ARR3: variants seen among roughly 807,000 people sequenced by gnomAD.
ARR3 encodes arrestin 3.
ARR3 carries 14 observed loss-of-function variants against 35.4 expected under a neutral mutation model. The observed-to-expected ratio is 0.40, with a 90% confidence interval of 0.26 to 0.62. ARR3 has a LOEUF of 0.62. Among genes scored for constraint, ARR3 ranks in the 20% least tolerant of loss-of-function variants. The pLI is 0.46. For synonymous variants in ARR3, 97 were observed against 119.1 expected, an observed-to-expected ratio of 0.81 and a Z score of 1.21; for missense variants, 259 against 303.8, an observed-to-expected ratio of 0.85 and a Z score of 1.10.
chrX:70,280,618 A>G, intron 14 of ARR3, 36 bp downstream of exon 14: 1 of 1,196,706 alleles, frequency 8.4e-7, no homozygotes, highest in South Asian at 1.8e-5. Flanking sequence ...TTGGGCAAGA[A>G]GAGGAGGACA....
chrX:70,279,218 T>C (rs1038126306), intron 12 of ARR3, among the ~76,000 whole-genome samples: 1 of 112,543 alleles, frequency 8.9e-6, no homozygotes, highest in Non-Finnish European at 1.9e-5. Context: ...CAGGAATTAA[T>C]AGAATTCTAG....
At chrX:70,276,888 T>C in intron 8 of ARR3, 152 bp downstream of exon 8, 1 of 531,227 alleles carries the variant, frequency 1.9e-6, no homozygotes. Context: ...CTTACCTTCT[T>C]TGATCTAGGG....
At chrX:70,272,852 T>C (rs1226282671) in intron 5 of ARR3, among the ~76,000 whole-genome samples, 1 of 112,560 alleles carries the variant, frequency 8.9e-6, no homozygotes, top group Non-Finnish European at 1.9e-5. Flanking sequence ...TGTTTGATGT[T>C]TTGAGTTCTT....
At chrX:70,275,848 A>AT (rs36071104) in intron 5 of ARR3, among the ~76,000 whole-genome samples, 28 of 102,550 alleles carry the variant, frequency 2.7e-4, no homozygotes, top group African/African-American at 7.1e-4. Context: ...AATACTTTGT[A>AT]TTTTTTTTTT....
chrX:70,273,725 A>G (rs1181444605), intron 5 of ARR3, among the ~76,000 whole-genome samples: 1 of 111,787 alleles, frequency 8.9e-6, no homozygotes, highest in African/African-American at 3.3e-5. Flanking sequence ...TGGCATATGT[A>G]GGGTTACTAG....
rs1378621547 is a variant in ARR3 at position 70,278,085 on chromosome X, T to G, written c.714T>G (p.Val238=). ...GTTCAGTTGACCAGATCACAGATGT[T>G]GTCCTGTATTCACTAGACAAGTACA... ...IKISVDQITD[V]VLYSLDKYTK... Residue 238 remains valine (V), a synonymous_variant, in exon 11 of 17, where the codon GTT becomes GTG. Transcript: ENST00000307959. 8.3e-7 allele frequency: 1 copy of G among 1,210,928 alleles called. No individual in the cohort carries two copies. The highest frequency in any genetic ancestry group is 1.7e-5 in the African/African-American group (1 of 57,714).
Position 70,269,856 on chromosome X carries a change from TG to T in ARR3, c.57del (p.Lys20AsnfsTer25). On this transcript the variant is annotated frameshift_variant, in exon 4 of 17. Transcript: ENST00000307959. LOFTEE classifies it high-confidence loss of function. ...GTTCCACAACAGCTCTCCATCTACC[TG>T]GGGAAACGGGACTTCGTGGACCATG... ...TSSNGKLSIY[L>X]GKRDFVDHVD... is the part of the protein sequence containing the mutation. 1 of 1,208,886 alleles carries T rather than the reference TG, an allele frequency of 8.3e-7. No individual in the cohort carries two copies. The highest frequency in any genetic ancestry group is 1.1e-6 in the Non-Finnish European group (1 of 894,121).
intron 10 of ARR3, 56 bp downstream of exon 10, chrX:70,277,856 C>T (rs1407646532): frequency 2.2e-5 from 24 of 1,073,954 alleles, no homozygotes; most frequent in African/African-American, 3.7e-5. Flanking sequence ...GGTCTTTTCC[C>T]AAAATTCTAT....
At chrX:70,274,387 G>A (rs2085643540) in intron 5 of ARR3, among the ~76,000 whole-genome samples, 1 of 110,334 alleles carries the variant, frequency 9.1e-6, no homozygotes, top group Non-Finnish European at 1.9e-5. Flanking sequence ...TTTTAGTAGA[G>A]ACGGGTTATC....
Position 70,269,881 on chromosome X carries a change from T to C in ARR3, c.78T>C (p.His26=), listed in dbSNP as rs2085623161. ...IYLGKRDFVD[H]VDTVEPIDGV... Reference sequence around the variant, plus strand: ...TGGGGAAACGGGACTTCGTGGACCATGTGGACACGGTGGAACCCATTGGTC... The same window carrying C: ...TGGGGAAACGGGACTTCGTGGACCACGTGGACACGGTGGAACCCATTGGTC... Residue 26 remains histidine, a synonymous_variant, in exon 4 of 17, where the codon CAT becomes CAC. Transcript: ENST00000307959. 8.3e-7 allele frequency: 1 copy of C among 1,207,178 alleles called. No homozygotes were observed. Among genetic ancestry groups the C allele is most frequent in the South Asian group, 1.8e-5 (1 of 56,150 alleles).
intron 5 of ARR3, 129 bp downstream of exon 5, chrX:70,270,273 C>A (rs773255977): frequency 6.7e-6 from 5 of 743,184 alleles, no homozygotes; most frequent in Non-Finnish European, 1.0e-5. Context: ...AGGCTGACAA[C>A]TGGGAATTCC....
At chrX:70,272,587 ATTTC>A (rs775741809) in intron 5 of ARR3, among the ~76,000 whole-genome samples, 49 of 112,189 alleles carry the variant, frequency 4.4e-4, no homozygotes, top group African/African-American at 1.6e-3. Flanking sequence ...TTGTTCAATT[ATTTC>A]TTTCTAAGTG....
intron 8 of ARR3, 98 bp from the exon 9 acceptor site, chrX:70,277,296 C>G: frequency 9.1e-7 from 1 of 1,096,370 alleles, no homozygotes; most frequent in Non-Finnish European, 1.2e-6. Context: ...TTCCCCTGCT[C>G]CCATTCTTAA....
rs185784604 is a variant in ARR3 at position 70,271,427 on chromosome X, T to C, written c.145+1283T>C. On this transcript the variant is annotated intron_variant, in intron 5 of 16. Coordinates refer to ENST00000307959, the MANE Select transcript of ARR3 (RefSeq NM_004312.3). ...TTTGCATCATATTTTCTAATGTGTT[T>C]TTCTATCAAGGTACATTTGTGGATG... Among the ~76,000 whole-genome samples the C allele has an allele frequency of 3.9e-3, 439 of 112,340 alleles. 2 individuals are homozygous for C. Among genetic ancestry groups the C allele is most frequent in the African/African-American group, 0.013 (411 of 30,921 alleles).
At position 70,281,752 on chromosome X, in the gene ARR3, G is replaced by C. The variant is rs1242479014; in HGVS notation, c.1153G>C (p.Asp385His). The change falls in exon 17 of 17, where the codon GAT becomes CAT. Residue 385 changes from aspartate (D) to histidine (H), a missense_variant. Coordinates refer to ENST00000307959, the MANE Select transcript of ARR3 (RefSeq NM_004312.3). ...ESQKAVEAEG[D>H]EGS ...CCAGAAGGCTGTGGAGGCTGAGGGA[G>C]ATGAGGGGAGCTGAGCACCTCGCTC... The C allele has an allele frequency of 8.5e-7, 1 of 1,178,914 alleles. No individual in the cohort carries two copies. The highest frequency in any genetic ancestry group is 3.1e-5 in the East Asian group (1 of 32,107).
chrX:70,280,890 A>T, intron 15 of ARR3, 72 bp downstream of exon 15: 1 of 1,153,876 alleles, frequency 8.7e-7, no homozygotes. Flanking sequence ...TGATCTCATG[A>T]ATTGGAGACT....
intron 5 of ARR3, among the ~76,000 whole-genome samples, chrX:70,271,633 A>T (rs2085630372): frequency 8.9e-6 from 1 of 112,118 alleles, no homozygotes; most frequent in African/African-American, 3.2e-5. Flanking sequence ...TCAAAAAGGC[A>T]ATGAGAGAAA....
At chrX:70,273,740 G>C (rs920563864) in intron 5 of ARR3, among the ~76,000 whole-genome samples, 8 of 111,755 alleles carry the variant, frequency 7.2e-5, no homozygotes, top group Non-Finnish European at 1.5e-4. Flanking sequence ...TACTAGAGCA[G>C]TCCTATTATT....
At chrX:70,281,610 A>G in intron 16 of ARR3, 66 bp from the exon 17 acceptor site, 1 of 941,292 alleles carries the variant, frequency 1.1e-6, no homozygotes, top group Non-Finnish European at 1.5e-6. Context: ...AGGAAAAAAG[A>G]GTGGACACGG....
Sources: allele counts gnomAD v4.1 joint callset (sites outside exome capture counted in the v4.1 genomes callset), GRCh38; gene constraint gnomAD v4.1.1; transcripts MANE v1.5; gene names NCBI Gene and HGNC (gene_info 2026-07-23, HGNC 2026-07-21).